The following ADCY8 variants were observed in gnomAD, a reference collection of about 807,000 sequenced individuals.
ADCY8 encodes adenylate cyclase 8.
A neutral mutation model predicts 119.7 loss-of-function variants in ADCY8; 51 were observed. That is an observed-to-expected ratio of 0.43 (90% CI 0.34 to 0.54). The LOEUF (loss-of-function observed/expected upper bound fraction) is 0.54, where lower values mean the gene tolerates loss of function less well. Ranked by LOEUF, ADCY8 falls within the 20% of genes least tolerant of loss-of-function variation. ADCY8 has a pLI of 0.03. For synonymous variants in ADCY8, 665 were observed against 651.0 expected (o/e 1.02, Z -0.33); for missense variants, 1,383 against 1,598.8 (o/e 0.87, Z 2.30).
At chr8:130,871,789 C>T (rs1450547347) in intron 8 of ADCY8, among the ~76,000 whole-genome samples, 1 of 152,054 alleles carries the variant, frequency 6.6e-6, no homozygotes, top group African/African-American at 2.4e-5. Context: ...GGAAGAAGAC[C>T]CCACTCTCAT....
rs373868790 is a variant in ADCY8, at chr8:131,039,412, C to A, written c.922G>T (p.Val308Leu). The change falls in exon 1 of 18, where the codon GTG becomes TTG. Residue 308 changes from valine (V) to leucine (L), a missense_variant. By Grantham distance (32) the Val-to-Leu change is conservative (BLOSUM62 1). Around this residue, in one of 2 missense-constraint regions of ADCY8, gnomAD observed 455 missense variants for 435.3 expected, o/e 1.05. Transcript: ENST00000286355. ...GTSLLQVILQVVIPRLAVISI... is the reference protein window; with the variant it reads ...GTSLLQVILQLVIPRLAVISI... Reference sequence around the variant, plus strand: ...ATGACCGCCAGCCGGGGTATGACCACTTGGAGGATGACCTGCAGCAGCGAG... The same window carrying A: ...ATGACCGCCAGCCGGGGTATGACCAATTGGAGGATGACCTGCAGCAGCGAG... The A allele has an allele frequency of 6.2e-6, 10 of 1,614,150 alleles. No individual in the cohort carries two copies. Among genetic ancestry groups the A allele is most frequent in the Non-Finnish European group, 7.6e-6 (9 of 1,180,034 alleles).
intron 2 of ADCY8, among the ~76,000 whole-genome samples, chr8:130,955,369 T>G (rs1821396517): frequency 6.6e-6 from 1 of 152,124 alleles, no homozygotes; most frequent in Non-Finnish European, 1.5e-5. Flanking sequence ...GAAGGGCCAG[T>G]ATCTAGTCTA....
chr8:130,988,017 C>T (rs966669245), intron 2 of ADCY8, among the ~76,000 whole-genome samples: 9 of 152,206 alleles, frequency 5.9e-5, no homozygotes, highest in African/African-American at 1.9e-4. Flanking sequence ...GTAATTCTAA[C>T]CATTAAGGAG....
chr8:130,827,381 G>A (rs750941787), intron 12 of ADCY8, among the ~76,000 whole-genome samples: 2 of 152,126 alleles, frequency 1.3e-5, no homozygotes, highest in Non-Finnish European at 2.9e-5. Context: ...GATGGCACTG[G>A]TCAACTGGAA....
chr8:130,899,075 T>C (rs1300661078), intron 7 of ADCY8, among the ~76,000 whole-genome samples: 1 of 152,224 alleles, frequency 6.6e-6, no homozygotes, highest in Non-Finnish European at 1.5e-5. Context: ...TTTTTGCTGT[T>C]CTAACACACT....
chr8:130,993,961 G>C (rs1310903673), intron 1 of ADCY8, among the ~76,000 whole-genome samples: 1 of 152,194 alleles, frequency 6.6e-6, no homozygotes, highest in Non-Finnish European at 1.5e-5. Context: ...TTCATCTCCT[G>C]TTACAGTGTT....
rs1815050767 is a variant in ADCY8, at chr8:130,780,763, C to T, written c.3383G>A (p.Gly1128Asp). Residue 1128 changes from glycine (G) to aspartate (D), a missense_variant, in exon 18 of 18, where the codon GGC (glycine) becomes GAC (aspartate). By Grantham distance (94) the Gly-to-Asp change is moderately conservative. Transcript: ENST00000286355. ...GGTCTCCTCTGGGACTTGGATCCGGCCACTAACCCCCGTGCTGTCCATTCG... is the reference window on the plus strand; with the variant it reads ...GGTCTCCTCTGGGACTTGGATCCGGTCACTAACCCCCGTGCTGTCCATTCG... The part of the protein sequence containing the change: ...ASRMDSTGVS[G>D]RIQVPEETYL... The T allele has an allele frequency of 6.2e-7, 1 of 1,614,202 alleles. No individual in the cohort carries two copies. Among genetic ancestry groups the T allele is most frequent in the Non-Finnish European group, 8.5e-7 (1 of 1,180,024 alleles).
chr8:130,815,322 C>T (rs565196048), intron 13 of ADCY8, among the ~76,000 whole-genome samples: 10 of 152,222 alleles, frequency 6.6e-5, no homozygotes, highest in Non-Finnish European at 1.2e-4. Flanking sequence ...GGTGGAGATA[C>T]GAATACACTT....
intron 2 of ADCY8, 54 bp from the exon 3 acceptor site, chr8:130,952,052 G>C: frequency 6.2e-7 from 1 of 1,603,318 alleles, no homozygotes. Context: ...AGTCTCAGAT[G>C]GGAGGGTGGA....
At chr8:130,847,348 C>A (rs1040707921) in intron 11 of ADCY8, 76 bp downstream of exon 11, 1 of 1,090,946 alleles carries the variant, frequency 9.2e-7, no homozygotes, top group Non-Finnish European at 1.4e-6. Context: ...GGCCCTTCAG[C>A]CAGTCTTGTT....
intron 5 of ADCY8, among the ~76,000 whole-genome samples, chr8:130,926,550 C>G (rs1457289492): frequency 6.6e-6 from 1 of 152,092 alleles, no homozygotes; most frequent in African/African-American, 2.4e-5. Context: ...TGGAATCTAG[C>G]TAATTAACAC....
intron 14 of ADCY8, among the ~76,000 whole-genome samples, chr8:130,801,543 ATCTTCTAAGAGTC>A (rs1001012509): frequency 1.1e-4 from 17 of 151,754 alleles, no homozygotes; most frequent in African/African-American, 3.9e-4. Context: ...GCTCCTCCTC[ATCTTCTAAGAGTC>A]TCTTCTAAGA....
chr8:130,885,072 G>A (rs1251859509), intron 7 of ADCY8, among the ~76,000 whole-genome samples: 1 of 152,084 alleles, frequency 6.6e-6, no homozygotes, highest in Non-Finnish European at 1.5e-5. Context: ...GGCACAACCT[G>A]GGTATGAGAG....
chr8:130,801,318 C>T (rs934120822), intron 14 of ADCY8, among the ~76,000 whole-genome samples: 1 of 152,060 alleles, frequency 6.6e-6, no homozygotes, highest in Non-Finnish European at 1.5e-5. Flanking sequence ...ATGGTGGTGG[C>T]TCTTGGTGGT....
At chr8:130,829,679 A>C (rs1478725396) in intron 12 of ADCY8, among the ~76,000 whole-genome samples, 2 of 152,242 alleles carry the variant, frequency 1.3e-5, no homozygotes, top group Non-Finnish European at 2.9e-5. Context: ...TGTTTGGGAC[A>C]AGTTGGAAAG....
At chr8:131,033,097 G>C (rs1824045491) in intron 1 of ADCY8, among the ~76,000 whole-genome samples, 1 of 152,110 alleles carries the variant, frequency 6.6e-6, no homozygotes, top group South Asian at 2.1e-4. Context: ...TGAGTCTACT[G>C]GTCTCCCAGA....
rs146980982 is a variant in ADCY8 at position 130,787,931 on chromosome 8, G to C, written c.3061-2456C>G. Among the ~76,000 whole-genome samples, 544 of 152,274 alleles carry C rather than the reference G, an allele frequency of 3.6e-3. 1 individual carries two copies. The highest frequency in any genetic ancestry group is 0.012 in the African/African-American group (514 of 41,532). On this transcript the variant is annotated intron_variant, in intron 15 of 17. Coordinates refer to ENST00000286355, the MANE Select transcript of ADCY8 (RefSeq NM_001115.3). ...TGCATGTGTGTGTGCGTTTGTGTTC[G>C]GGGCAGTCAGGCGGCAGAGAAGGGG...
chr8:131,026,156 T>C (rs542985375), intron 1 of ADCY8, among the ~76,000 whole-genome samples: 1 of 152,230 alleles, frequency 6.6e-6, no homozygotes, highest in South Asian at 2.1e-4. Context: ...CCTAAGGTGA[T>C]GGAATTAAGA....
intron 2 of ADCY8, among the ~76,000 whole-genome samples, chr8:130,962,554 C>T (rs1821636216): frequency 6.6e-6 from 1 of 152,208 alleles, no homozygotes; most frequent in Admixed American, 6.5e-5. Flanking sequence ...ATACTCTATT[C>T]AAGTCGTCAA....
Sources: gnomAD v4.1 joint callset for allele counts (sites outside exome capture counted in the v4.1 genomes callset) on GRCh38, gnomAD v4.1.1 for gene constraint, gnomAD v4.1.1 regional missense constraint, MANE v1.5 for transcripts, NCBI Gene and HGNC (gene_info 2026-07-23, HGNC 2026-07-21) for gene names.